The following DLGAP3 variants were observed in gnomAD, a reference collection of about 807,000 sequenced individuals.
DLGAP3 encodes DLG associated protein 3, also known as disks large-associated protein 3.
A neutral mutation model predicts 81.2 loss-of-function variants in DLGAP3; 17 were observed. The observed-to-expected ratio is 0.21, with a 90% CI of 0.14 to 0.31. DLGAP3 has a LOEUF of 0.31. Ranked by LOEUF, DLGAP3 falls within the 10% of genes least tolerant of loss-of-function variation. The pLI, the probability that DLGAP3 is intolerant of heterozygous loss-of-function variation, is 1.00. For missense variants in DLGAP3, 1,124 were observed against 1,388.0 expected (o/e 0.81, Z 3.02); for synonymous variants, 577 against 587.4 (o/e 0.98, Z 0.26).
intron 1 of DLGAP3, among the ~76,000 whole-genome samples, chr1:34,923,086 C>T (rs1355952344): frequency 2.0e-5 from 3 of 152,060 alleles, no homozygotes; most frequent in Admixed American, 1.3e-4. Flanking sequence ...GACAATCCCC[C>T]CGTATATGCA....
In DLGAP3 at chr1:34,899,671, G is replaced by C. The variant is rs1639425032; in HGVS notation, c.1384C>G (p.Gln462Glu). ...AGGCATACTGGGCCTCTCCCTACCT[G>C]TCCAGTGGTGAGGGAACGGCTGTAG... is the stretch of plus-strand genomic sequence containing the variant. ...PGYSRSLTTGQLSDELNQQLE... is the reference protein window; with the variant it reads ...PGYSRSLTTGELSDELNQQLE... The change falls in exon 5 of 12, where the codon CAG (glutamine) becomes GAG (glutamate). Residue 462 changes from glutamine (Q) to glutamate (E), a missense_variant and splice_region_variant. Physicochemically the swap from Gln to Glu is conservative, Grantham distance 29. Transcript: ENST00000373347. The C allele has an allele frequency of 1.1e-5, 17 of 1,612,650 alleles. No individual in the cohort carries two copies. The East Asian group carries it at 3.8e-4, about 36-fold the overall frequency.
Position 34,866,396 on chromosome 1 carries a change from C to T in DLGAP3, c.2722-95G>A, listed in dbSNP as rs1484388234. 1.2e-5 allele frequency: 12 copies of T among 1,038,086 alleles called. No individual in the cohort carries two copies. In the South Asian group the frequency reaches 2.0e-4, roughly 18 times the overall value. 64.3% of individuals were successfully genotyped at this position (1,038,086 alleles called of 1,614,324 possible). ...CCCCCGCGCCCAGAGTGCTGACGAC[C>T]GCGTGGCTCCGAACGCGATGGCGCT... On this transcript the variant is annotated intron_variant, in intron 11 of 11. Coordinates refer to ENST00000373347, the MANE Select transcript of DLGAP3 (RefSeq NM_001080418.3).
At position 34,906,019 on chromosome 1, in the gene DLGAP3, TA is replaced by T. The variant is rs1557492363; in HGVS notation, c.-51-586del. On this transcript the variant is annotated intron_variant, in intron 2 of 11. Transcript: ENST00000373347. ...GAGCGAGACCTGGCCTCTAAATTTA[TA>T]TATATATATATATTTGTTTGTTTTT... Among the ~76,000 whole-genome samples the T allele has an allele frequency of 1.1e-3, 137 of 126,784 alleles. 12 individuals carry two copies. The highest frequency in any genetic ancestry group is 3.6e-3 in the African/African-American group (128 of 35,454). The allele number at this position is 126,784 out of a possible 152,430, so 83.2% of individuals were successfully genotyped here. A position where few individuals can be genotyped will look rare whatever the true frequency, so the allele number is the denominator to read the frequency against.
chr1:34,900,060 G>GTCCT lies in DLGAP3; in HGVS notation c.1313+4_1313+7dup, dbSNP rs1557484303. On this transcript the variant is annotated splice_region_variant and intron_variant, in intron 4 of 11. Transcript: ENST00000373347. This position sits in a 1 kb window ranked among gnomAD's most constrained non-coding sequence, Gnocchi z 5.6. The stretch of plus-strand genomic sequence containing the variant: ...GACCCCGCACCCCCCGGCCCTCCCT[G>GTCCT]TCCTTACTTGATCCTGGCCTGGTCC... The GTCCT allele has an allele frequency of 2.5e-6, 4 of 1,611,794 alleles. No individual in the cohort carries two copies. In the South Asian group the frequency reaches 4.4e-5, roughly 18 times the overall value.
At chr1:34,927,168 G>C (rs1214278605) in intron 1 of DLGAP3, among the ~76,000 whole-genome samples, 1 of 152,158 alleles carries the variant, frequency 6.6e-6, no homozygotes, top group Non-Finnish European at 1.5e-5. Flanking sequence ...CCTCTCTTTG[G>C]CAAGGAGTCC....
Position 34,868,638 on chromosome 1 carries a change from G to T in DLGAP3, c.2452C>A (p.Arg818Ser). 1.2e-6 allele frequency: 2 copies of T among 1,612,902 alleles called. No individual in the cohort carries two copies. Among genetic ancestry groups the T allele is most frequent in the Non-Finnish European group, 1.7e-6 (2 of 1,180,010 alleles). Residue 818 changes from arginine to serine, a missense_variant, in exon 9 of 12, where the codon CGT becomes AGT. Physicochemically the swap from Arg to Ser is moderately radical, Grantham distance 110. Transcript: ENST00000373347. This position sits in a 1 kb window ranked among gnomAD's most constrained non-coding sequence, Gnocchi z 7.5. Reference protein sequence around the residue: ...KLEHWCQQMEREAEDYELPEE... With the variant: ...KLEHWCQQMESEAEDYELPEE... ...GGTAGCTCATAGTCCTCCGCCTCAC[G>T]CTCCATCTGCTGGCACCAGTGCTCC...
In DLGAP3 at chr1:34,873,703, C is replaced by T. The variant is rs1350359466; in HGVS notation, c.2001-4614G>A. Among the ~76,000 whole-genome samples, 1 of 152,204 alleles carries T rather than the reference C, an allele frequency of 6.6e-6. No individual in the cohort carries two copies. Among genetic ancestry groups the T allele is most frequent in the Non-Finnish European group, 1.5e-5 (1 of 68,036 alleles). On this transcript the variant is annotated intron_variant, in intron 8 of 11. Transcript: ENST00000373347. The surrounding 1 kb of genome is among the most constrained non-coding windows in gnomAD (Gnocchi z 4.2). Reference sequence around the variant, plus strand: ...TATGATTGCTGTTGATCATTTCCATCTGTTCTCCCACAGCGCTTTGAACAA... The same window carrying T: ...TATGATTGCTGTTGATCATTTCCATTTGTTCTCCCACAGCGCTTTGAACAA...
chr1:34,866,912 C>T, intron 11 of DLGAP3, 136 bp downstream of exon 11: 1 of 1,013,560 alleles, frequency 9.9e-7, no homozygotes, highest in East Asian at 2.4e-5. Context: ...GGATGGTCAC[C>T]TATCACCTGT....
chr1:34,886,013 C>A, intron 6 of DLGAP3, 59 bp downstream of exon 6: 12 of 1,507,608 alleles, frequency 8.0e-6, no homozygotes, highest in Non-Finnish European at 1.1e-5. Context: ...GAGGCCAGAA[C>A]CCGGACCCAG....
chr1:34,881,918 C>T (rs1639151910), intron 8 of DLGAP3, among the ~76,000 whole-genome samples: 1 of 152,248 alleles, frequency 6.6e-6, no homozygotes, highest in Middle Eastern at 3.4e-3. Context: ...TGGTATCCAT[C>T]AAAATTTGTA....
intron 8 of DLGAP3, among the ~76,000 whole-genome samples, chr1:34,879,159 T>C (rs998256580): frequency 2.0e-5 from 3 of 152,110 alleles, no homozygotes; most frequent in African/African-American, 7.2e-5. Flanking sequence ...ATTACATTTA[T>C]TGGGCATTTT....
chr1:34,885,936 G>C (rs1248921990), intron 6 of DLGAP3, 136 bp downstream of exon 6: 2 of 1,152,004 alleles, frequency 1.7e-6, no homozygotes, highest in Non-Finnish European at 2.4e-6. Flanking sequence ...ACACGCCAAC[G>C]GACGCTCTCC....
intron 1 of DLGAP3, among the ~76,000 whole-genome samples, chr1:34,911,400 T>C (rs1639638007): frequency 1.3e-5 from 2 of 152,226 alleles, no homozygotes; most frequent in South Asian, 4.1e-4. Flanking sequence ...GGATGCTCCC[T>C]GAAGTCCTAT....
chr1:34,904,969 G>A lies in DLGAP3; in HGVS notation c.415C>T (p.Leu139=). 1 of 1,613,292 alleles carries A rather than the reference G, an allele frequency of 6.2e-7. No individual in the cohort carries two copies. Among genetic ancestry groups the A allele is most frequent in the Non-Finnish European group, 8.5e-7 (1 of 1,179,722 alleles). Residue 139 remains leucine, a synonymous_variant, in exon 3 of 12, where the codon CTA becomes TTA. Coordinates refer to ENST00000373347, the MANE Select transcript of DLGAP3 (RefSeq NM_001080418.3). The surrounding 1 kb of genome is among the most constrained non-coding windows in gnomAD (Gnocchi z 8.1). ...CCTGCTGGCCCTCGCTGGTATGGTAGTGTGTGGAAGCCATCTTGTTGAACT... is the reference window on the plus strand; with the variant it reads ...CCTGCTGGCCCTCGCTGGTATGGTAATGTGTGGAAGCCATCTTGTTGAACT... The part of the protein sequence containing the change: ...LPVQQDGFHT[L]PYQRGPAGAG...
intron 1 of DLGAP3, among the ~76,000 whole-genome samples, chr1:34,911,683 A>G (rs12074655): frequency 0.027 from 4,183 of 152,228 alleles, 196 homozygotes; most frequent in African/African-American, 0.095. Context: ...CCAATTTAGC[A>G]CCAACTACAC....
intron 8 of DLGAP3, among the ~76,000 whole-genome samples, chr1:34,878,368 T>C (rs1159616800): frequency 7.2e-6 from 1 of 139,616 alleles, no homozygotes; most frequent in African/African-American, 2.6e-5. Context: ...TATAGGAAGG[T>C]TGAAAATAAA....
At chr1:34,908,250 G>A (rs781314321) in intron 1 of DLGAP3, among the ~76,000 whole-genome samples, 3 of 152,226 alleles carry the variant, frequency 2.0e-5, no homozygotes, top group Non-Finnish European at 4.4e-5. Flanking sequence ...GGCTGTGCTG[G>A]AAAGAGGTAC....
Position 34,868,821 on chromosome 1 carries a change from C to T in DLGAP3, c.2269G>A (p.Gly757Ser). 3 of 1,579,890 alleles carry T rather than the reference C, an allele frequency of 1.9e-6. No individual in the cohort carries two copies. The highest frequency in any genetic ancestry group is 2.3e-5 in the South Asian group (2 of 88,854). The change falls in exon 9 of 12, where the codon GGC becomes AGC. Residue 757 changes from glycine (G) to serine (S), a missense_variant. By Grantham distance (56) the Gly-to-Ser change is moderately conservative. This residue lies in a region of DLGAP3 where 379 missense variants were observed against 455.7 expected (regional missense o/e 0.83). Coordinates refer to ENST00000373347, the MANE Select transcript of DLGAP3 (RefSeq NM_001080418.3). This position sits in a 1 kb window ranked among gnomAD's most constrained non-coding sequence, Gnocchi z 7.5. The stretch of plus-strand genomic sequence containing the variant: ...CCGGGGGTGGGGGCGGGGGCAGGGC[C>T]GGGCGACCCATCGGTGGCCGGCGGC... ...YEPPATDGSP[G>S]PAPAPTPGPG...
At position 34,884,998 on chromosome 1, in the gene DLGAP3, C is replaced by A; in HGVS notation, c.1980G>T (p.Val660=). The part of the protein sequence containing the change: ...RSRREFHSIG[V]QVEEDKRRAR... Reference sequence around the variant, plus strand: ...TTTACCTCTTGTCCTCTTCCACCTGCACGCCAATAGAGTGGAACTCCCTCC... The same window carrying A: ...TTTACCTCTTGTCCTCTTCCACCTGAACGCCAATAGAGTGGAACTCCCTCC... Residue 660 remains valine (V), a synonymous_variant, in exon 8 of 12, where the codon GTG becomes GTT. Transcript: ENST00000373347. 1.2e-6 allele frequency: 2 copies of A among 1,613,410 alleles called. No individual in the cohort carries two copies. The highest frequency in any genetic ancestry group is 1.7e-6 in the Non-Finnish European group (2 of 1,179,872).
Sources: gnomAD v4.1 joint callset for allele counts (sites outside exome capture counted in the v4.1 genomes callset) on GRCh38, gnomAD v4.1.1 for gene constraint, gnomAD v4.1.1 regional missense constraint, Gnocchi (gnomAD v3.1) non-coding constraint, MANE v1.5 for transcripts, NCBI Gene and HGNC (gene_info 2026-07-23, HGNC 2026-07-21) for gene names.